The following DDX46 variants were observed in gnomAD, a reference collection of about 807,000 sequenced individuals.
DDX46 encodes the protein DEAD-box helicase 46.
A neutral mutation model predicts 134.9 loss-of-function variants in DDX46; 30 were observed. That is an observed-to-expected ratio of 0.22 (90% CI 0.17 to 0.30). The LOEUF (loss-of-function observed/expected upper bound fraction) is 0.30. Ranked by LOEUF, DDX46 falls within the 10% of genes least tolerant of loss-of-function variation. The probability of loss-of-function intolerance (pLI) is 1.00; values close to 1 mark genes in which losing one functional copy is unlikely to be tolerated. For missense variants in DDX46, 622 were observed against 1,248.7 expected (o/e 0.50, Z 7.56); for synonymous variants, 415 against 404.1 (o/e 1.03, Z -0.32).
chr5:134,812,947 ATT>A (rs140858825), intron 18 of DDX46, among the ~76,000 whole-genome samples: 1 of 142,014 alleles, frequency 7.0e-6, no homozygotes, highest in Non-Finnish European at 1.5e-5. Flanking sequence ...CAATAAAGTC[ATT>A]TTTTTTTTTT....
At chr5:134,821,504 C>T (rs1410774962) in intron 21 of DDX46, among the ~76,000 whole-genome samples, 1 of 150,580 alleles carries the variant, frequency 6.6e-6, no homozygotes, top group East Asian at 2.0e-4. Context: ...TCTTGTGTGC[C>T]ATTTTGATTT....
At chr5:134,767,818 C>T (rs1753623940) in intron 3 of DDX46, among the ~76,000 whole-genome samples, 1 of 151,576 alleles carries the variant, frequency 6.6e-6, no homozygotes, top group South Asian at 2.1e-4. Flanking sequence ...GGCGTGGTGG[C>T]GTATGCCTGT....
chr5:134,788,655 C>A, intron 12 of DDX46, 64 bp downstream of exon 12: 3 of 1,406,204 alleles, frequency 2.1e-6, no homozygotes, highest in Non-Finnish European at 3.0e-6. Flanking sequence ...TTTGTTAAAA[C>A]AGATGCAAGA....
chr5:134,814,479 C>T (rs552017386), intron 18 of DDX46, among the ~76,000 whole-genome samples: 1 of 152,264 alleles, frequency 6.6e-6, no homozygotes, highest in East Asian at 1.9e-4. Context: ...GTATACTTCC[C>T]CCTTTCCTGA....
chr5:134,784,240 A>G, intron 9 of DDX46, 126 bp from the exon 10 acceptor site: 1 of 911,792 alleles, frequency 1.1e-6, no homozygotes, highest in African/African-American at 1.7e-5. Context: ...TTTTATTGCC[A>G]AATAGTATTT....
intron 21 of DDX46, among the ~76,000 whole-genome samples, chr5:134,823,428 C>G (rs1755508760): frequency 1.3e-5 from 2 of 152,162 alleles, no homozygotes; most frequent in South Asian, 4.1e-4. Flanking sequence ...CGAGAGCCAC[C>G]ACGCCCGGCA....
chr5:134,786,649 C>T (rs1422057941), intron 11 of DDX46, among the ~76,000 whole-genome samples: 1 of 152,092 alleles, frequency 6.6e-6, no homozygotes, highest in Non-Finnish European at 1.5e-5. Flanking sequence ...TCAAGACCAG[C>T]CTAGCCAACA....
At chr5:134,818,108 C>T (rs1048987794) in intron 20 of DDX46, among the ~76,000 whole-genome samples, 2 of 151,832 alleles carry the variant, frequency 1.3e-5, no homozygotes, top group Non-Finnish European at 2.9e-5. Context: ...CGCCACCATG[C>T]CCAGCTTATT....
At chr5:134,759,529 T>C (rs1753312485) in intron 1 of DDX46, among the ~76,000 whole-genome samples, 1 of 152,206 alleles carries the variant, frequency 6.6e-6, no homozygotes, top group African/African-American at 2.4e-5. Flanking sequence ...TTTTCTGTCC[T>C]TTTGAAGTTG....
intron 16 of DDX46, 21 bp downstream of exon 16, chr5:134,807,962 G>T: frequency 1.3e-6 from 2 of 1,575,978 alleles, no homozygotes; most frequent in Non-Finnish European, 8.6e-7. Flanking sequence ...GTTTTTTATA[G>T]TTGATCTTCA....
chr5:134,812,946 C>A (rs1755187668), intron 18 of DDX46, among the ~76,000 whole-genome samples: 1 of 151,132 alleles, frequency 6.6e-6, no homozygotes. Context: ...CCAATAAAGT[C>A]ATTTTTTTTT....
At chr5:134,798,062 TCAGCCTCC>T (rs1418696059) in intron 15 of DDX46, among the ~76,000 whole-genome samples, 1 of 152,148 alleles carries the variant, frequency 6.6e-6, no homozygotes, top group Non-Finnish European at 1.5e-5. Context: ...TCCGCCCACC[TCAGCCTCC>T]CAAAGTCCTG....
chr5:134,765,461 G>A (rs1375781883), intron 2 of DDX46, among the ~76,000 whole-genome samples: 3 of 152,002 alleles, frequency 2.0e-5, no homozygotes, highest in South Asian at 2.1e-4. Context: ...GCTGAGGCAG[G>A]AGACTTGCTT....
intron 1 of DDX46, among the ~76,000 whole-genome samples, chr5:134,760,438 C>A (rs992546409): frequency 1.3e-5 from 2 of 152,076 alleles, no homozygotes; most frequent in Non-Finnish European, 2.9e-5. Context: ...GGAGGTAGGT[C>A]CTGAATAGGA....
At chr5:134,760,775 G>T (rs187883613) in intron 1 of DDX46, among the ~76,000 whole-genome samples, 2 of 152,252 alleles carry the variant, frequency 1.3e-5, no homozygotes, top group East Asian at 3.9e-4. Context: ...CTTTCGCCAG[G>T]CTGGAGTGCA....
chr5:134,776,950 C>T (rs979037567), intron 5 of DDX46, among the ~76,000 whole-genome samples: 5 of 149,502 alleles, frequency 3.3e-5, no homozygotes, highest in South Asian at 2.1e-4. Flanking sequence ...TGGTGGCTCA[C>T]GCCTGTAATC....
At chr5:134,771,134 T>G in intron 4 of DDX46, 135 bp downstream of exon 4, 2 of 545,860 alleles carry the variant, frequency 3.7e-6, no homozygotes, top group South Asian at 2.3e-5. Context: ...CTGTCTTTCT[T>G]TCTGTCTGTC....
At chr5:134,771,135 T>A in intron 4 of DDX46, 136 bp downstream of exon 4, 2 of 540,810 alleles carry the variant, frequency 3.7e-6, no homozygotes, top group South Asian at 2.3e-5. Flanking sequence ...TGTCTTTCTT[T>A]CTGTCTGTCT....
At chr5:134,823,375 G>C (rs1393154787) in intron 21 of DDX46, among the ~76,000 whole-genome samples, 1 of 151,934 alleles carries the variant, frequency 6.6e-6, no homozygotes, top group Admixed American at 6.6e-5. Context: ...TCCTGACCTC[G>C]TGATCCTCCT....
Sources: allele counts gnomAD v4.1 joint callset (sites outside exome capture counted in the v4.1 genomes callset), GRCh38; gene constraint gnomAD v4.1.1; transcripts MANE v1.5; gene names NCBI Gene and HGNC (gene_info 2026-07-23, HGNC 2026-07-21).